TANC2: variants seen among roughly 807,000 people sequenced by gnomAD.
TANC2 encodes protein TANC2.
TANC2 carries 26 observed loss-of-function variants against 210.5 expected under a neutral mutation model. That is an observed-to-expected ratio of 0.12 (90% CI 0.09 to 0.17). TANC2 has a LOEUF of 0.17. Ranked by LOEUF, TANC2 falls within the 10% of genes least tolerant of loss-of-function variation. The pLI, the probability that TANC2 is intolerant of heterozygous loss-of-function variation, is 1.00. For synonymous variants in TANC2, 931 were observed against 967.1 expected, an observed-to-expected ratio of 0.96 and a Z score of 0.69; for missense variants, 2,129 against 2,608.9, an observed-to-expected ratio of 0.82 and a Z score of 4.01.
At chr17:63,415,100 G>A (rs774741368) in intron 25 of TANC2, among the ~76,000 whole-genome samples, 5 of 152,184 alleles carry the variant, frequency 3.3e-5, no homozygotes, top group Admixed American at 6.5e-5. Flanking sequence ...CAGGTGGAGC[G>A]TCAGACCAAA....
chr17:63,090,477 A>G lies in TANC2; in HGVS notation c.140-8698A>G, dbSNP rs1028856804. On this transcript the variant is annotated intron_variant, in intron 3 of 27. Transcript: ENST00000689528. ...AACGTGTGGTATTTGCTGTCCTTGC[A>G]ATAGTTTGCTCAGAATGATGGTTTC... Among the ~76,000 whole-genome samples, 14 of 151,768 alleles carry G rather than the reference A, an allele frequency of 9.2e-5. 1 individual carries two copies. The highest frequency in any genetic ancestry group is 2.9e-4 in the African/African-American group (12 of 41,308).
At chr17:63,163,018 T>C (rs1442846719) in intron 5 of TANC2, among the ~76,000 whole-genome samples, 1 of 151,654 alleles carries the variant, frequency 6.6e-6, no homozygotes. Context: ...TTTGGCCAGA[T>C]TGGAATGAGA....
chr17:63,123,698 T>G (rs2038583143), intron 4 of TANC2, among the ~76,000 whole-genome samples: 1 of 140,384 alleles, frequency 7.1e-6, no homozygotes, highest in African/African-American at 2.7e-5. Context: ...TTTTTTTTTT[T>G]TTTTTTTTGA....
intron 11 of TANC2, among the ~76,000 whole-genome samples, chr17:63,326,821 G>A (rs1481266881): frequency 1.3e-5 from 2 of 151,772 alleles, no homozygotes; most frequent in Admixed American, 6.6e-5. Flanking sequence ...TAAACTGAGA[G>A]AAAATATTGA....
At chr17:63,197,105 A>G (rs2041370988) in intron 6 of TANC2, among the ~76,000 whole-genome samples, 1 of 152,188 alleles carries the variant, frequency 6.6e-6, no homozygotes, top group Non-Finnish European at 1.5e-5. Flanking sequence ...AATAATATGC[A>G]GTATAGTTAG....
intron 7 of TANC2, among the ~76,000 whole-genome samples, chr17:63,228,194 C>A (rs1000877205): frequency 2.8e-4 from 43 of 152,274 alleles, no homozygotes; most frequent in African/African-American, 1.0e-3. Flanking sequence ...GAAAGCCTTT[C>A]CCCATTACTT....
At chr17:63,009,551 A>G in exon 2 of TANC2, 1 of 1,612,144 alleles carries the variant, frequency 6.2e-7, no homozygotes, top group Non-Finnish European at 8.5e-7. Context: ...GCAGTAGAAG[A>G]GTATAACCAT....
At chr17:62,998,204 A>G (rs562937971) in intron 1 of TANC2, among the ~76,000 whole-genome samples, 2 of 152,204 alleles carry the variant, frequency 1.3e-5, no homozygotes, top group Non-Finnish European at 2.9e-5. Flanking sequence ...GAAATAACTC[A>G]GACAAAAATA....
At chr17:63,033,963 A>G (rs1409424827) in intron 2 of TANC2, among the ~76,000 whole-genome samples, 1 of 152,180 alleles carries the variant, frequency 6.6e-6, no homozygotes, top group Non-Finnish European at 1.5e-5. Context: ...CTACCACCAC[A>G]ATTAGCATAC....
rs754838050 is a variant in TANC2, at chr17:63,420,179, A to T, written c.4449A>T (p.Pro1483=). 11 of 1,581,106 alleles carry T rather than the reference A, an allele frequency of 7.0e-6. No individual in the cohort carries two copies. Among genetic ancestry groups the T allele is most frequent in the Admixed American group, 3.7e-5 (2 of 54,438 alleles). The stretch of plus-strand genomic sequence containing the variant: ...TGCCGGAAGAAGCAGAACCTGAGCC[A>T]CAGCATGAAGACATATACTCTGTAC... Residue 1483 remains proline, a synonymous_variant, in exon 28 of 28, where the codon CCA becomes CCT. Coordinates refer to ENST00000689528, the Ensembl canonical transcript of TANC2. The surrounding 1 kb of genome is among the most constrained non-coding windows in gnomAD (Gnocchi z 4.2).
intron 5 of TANC2, among the ~76,000 whole-genome samples, chr17:63,191,289 T>G (rs2041175485): frequency 6.6e-6 from 1 of 151,028 alleles, no homozygotes; most frequent in South Asian, 2.1e-4. Context: ...AATACACTAT[T>G]ATGTTGGTGC....
intron 7 of TANC2, among the ~76,000 whole-genome samples, chr17:63,215,350 T>G (rs2041997274): frequency 6.6e-6 from 1 of 152,194 alleles, no homozygotes; most frequent in African/African-American, 2.4e-5. Flanking sequence ...AATATGTCTA[T>G]TTGGTCTTTG....
intron 4 of TANC2, among the ~76,000 whole-genome samples, chr17:63,110,811 T>G (rs1394021209): frequency 1.3e-5 from 2 of 152,072 alleles, no homozygotes; most frequent in Non-Finnish European, 2.9e-5. Flanking sequence ...GCACCAAGGG[T>G]TGAGTAATGG....
chr17:63,073,753 G>A (rs1367889313), intron 2 of TANC2, among the ~76,000 whole-genome samples, 190 bp from the exon 3 acceptor site: 1 of 152,042 alleles, frequency 6.6e-6, no homozygotes, highest in Non-Finnish European at 1.5e-5. Context: ...AGAGGGGAGT[G>A]TAAACCCACA....
At chr17:63,297,298 G>A (rs536226655) in intron 9 of TANC2, among the ~76,000 whole-genome samples, 3 of 151,986 alleles carry the variant, frequency 2.0e-5, no homozygotes, top group Admixed American at 6.6e-5. Flanking sequence ...AGTGTCAAAC[G>A]TCCCAATTTC....
intron 9 of TANC2, among the ~76,000 whole-genome samples, chr17:63,281,568 C>T (rs1172647025): frequency 1.3e-5 from 2 of 149,510 alleles, no homozygotes; most frequent in Non-Finnish European, 2.9e-5. Flanking sequence ...CATACTTGAA[C>T]AAAAATCAGC....
intron 15 of TANC2, among the ~76,000 whole-genome samples, chr17:63,380,346 A>C (rs2047566553): frequency 6.6e-6 from 1 of 152,204 alleles, no homozygotes. Context: ...AGAACTCTAT[A>C]ACATCAGCTT....
intron 2 of TANC2, among the ~76,000 whole-genome samples, chr17:63,032,944 G>C (rs2034831120): frequency 6.6e-6 from 1 of 152,150 alleles, no homozygotes; most frequent in South Asian, 2.1e-4. Context: ...ATTTCTAGGT[G>C]CCCATGGCTC....
intron 3 of TANC2, among the ~76,000 whole-genome samples, chr17:63,086,571 A>T (rs1338764016): frequency 2.6e-5 from 4 of 152,078 alleles, no homozygotes; most frequent in Non-Finnish European, 5.9e-5. Context: ...TATATTACTC[A>T]TCTGTTCTTG....
Sources: allele counts gnomAD v4.1 joint callset (sites outside exome capture counted in the v4.1 genomes callset), GRCh38; gene constraint gnomAD v4.1.1; non-coding constraint Gnocchi (gnomAD v3.1); transcripts MANE v1.5; gene names NCBI Gene and HGNC (gene_info 2026-07-23, HGNC 2026-07-21).